The following VAV1 variants were observed in gnomAD, a reference collection of about 807,000 sequenced individuals.
The protein encoded by VAV1 is vav guanine nucleotide exchange factor 1, also known as proto-oncogene vav.
VAV1 carries 33 observed loss-of-function variants against 128.1 expected under a neutral mutation model. The ratio of observed to expected loss-of-function variants is 0.26; its 90% CI spans 0.20 to 0.34. The LOEUF (loss-of-function observed/expected upper bound fraction) is 0.34, where lower values mean the gene tolerates loss of function less well. VAV1 is among the 10% of genes least tolerant of loss of function. The pLI, the probability that VAV1 is intolerant of heterozygous loss-of-function variation, is 1.00. For synonymous variants in VAV1, 394 were observed against 409.8 expected (o/e 0.96, Z 0.47); for missense variants, 715 against 1,093.7 (o/e 0.65, Z 4.88).
In VAV1 at chr19:6,844,275, ATGGCGTGATCTCGGCTCAC is replaced by A. The variant is rs1380399960; in HGVS notation, c.2012+1112_2012+1130del. On this transcript the variant is annotated intron_variant, in intron 22 of 26. Transcript: ENST00000602142. ...TTCTTGTTGCCCAGGCTGGAGCGCA[ATGGCGTGATCTCGGCTCAC>A]TGCAACCTCCACCTCCCAGGTTCAA... Among the ~76,000 whole-genome samples the A allele has an allele frequency of 4.4e-4, 66 of 151,368 alleles. 1 individual carries two copies. The highest frequency in any genetic ancestry group is 8.8e-5 in the Non-Finnish European group (6 of 67,828).
At chr19:6,819,504 T>C (rs1291215555) in intron 1 of VAV1, among the ~76,000 whole-genome samples, 2 of 152,242 alleles carry the variant, frequency 1.3e-5, no homozygotes, top group Non-Finnish European at 2.9e-5. Context: ...TGAGCATGTT[T>C]TTAAGGTTCA....
intron 21 of VAV1, among the ~76,000 whole-genome samples, chr19:6,839,957 G>T (rs1195940018): frequency 6.6e-6 from 1 of 152,206 alleles, no homozygotes; most frequent in Non-Finnish European, 1.5e-5. Flanking sequence ...CTCTCAAAGT[G>T]CTGGGATTAC....
At chr19:6,781,771 C>A (rs890717737) in intron 1 of VAV1, among the ~76,000 whole-genome samples, 10 of 152,098 alleles carry the variant, frequency 6.6e-5, no homozygotes, top group Non-Finnish European at 1.2e-4. Flanking sequence ...AGATGCCCAG[C>A]TAATTTTTGT....
At chr19:6,836,360 C>G in intron 19 of VAV1, 72 bp from the exon 20 acceptor site, 1 of 1,546,242 alleles carries the variant, frequency 6.5e-7, no homozygotes, top group Non-Finnish European at 8.8e-7. Context: ...TTTAGCCATT[C>G]TCGTGGGTGG....
At chr19:6,776,443 T>TCCAC (rs747923618) in intron 1 of VAV1, among the ~76,000 whole-genome samples, 8,079 of 115,632 alleles carry the variant, frequency 0.07, 271 homozygotes, top group Non-Finnish European at 0.086. Context: ...CATCCATCCA[T>TCCAC]CCACCCACCC....
chr19:6,790,763 G>A (rs145581663), intron 1 of VAV1, among the ~76,000 whole-genome samples: 104 of 152,276 alleles, frequency 6.8e-4, no homozygotes, highest in Non-Finnish European at 1.2e-3. Context: ...TATTTATCCC[G>A]TTTTAATTAT....
chr19:6,775,323 A>G (rs1431903351), intron 1 of VAV1, among the ~76,000 whole-genome samples: 1 of 152,200 alleles, frequency 6.6e-6, no homozygotes, highest in Admixed American at 6.5e-5. Context: ...GGGAAAGTGG[A>G]TAGACTTAAG....
intron 1 of VAV1, among the ~76,000 whole-genome samples, chr19:6,816,800 CA>C (rs1404996039): frequency 4.0e-5 from 6 of 150,592 alleles, no homozygotes; most frequent in African/African-American, 1.5e-4. Context: ...CCATCTCTAG[CA>C]AAAAATACAA....
intron 15 of VAV1, among the ~76,000 whole-genome samples, chr19:6,832,749 CT>C (rs1661380565): frequency 6.6e-6 from 1 of 151,300 alleles, no homozygotes; most frequent in Admixed American, 6.6e-5. Flanking sequence ...TCTTCTTCCC[CT>C]CTTCCTCCTC....
At chr19:6,796,930 G>A (rs1971148591) in intron 1 of VAV1, among the ~76,000 whole-genome samples, 1 of 152,076 alleles carries the variant, frequency 6.6e-6, no homozygotes. Context: ...GTGTATAGTA[G>A]GTGCTCAATA....
In VAV1 at chr19:6,820,201, C is replaced by T. The variant is rs1375670477; in HGVS notation, c.205-501C>T. Among the ~76,000 whole-genome samples the T allele has an allele frequency of 6.6e-6, 1 of 152,076 alleles. No homozygotes were observed. The highest frequency in any genetic ancestry group is 2.4e-5 in the African/African-American group (1 of 41,414). On this transcript the variant is annotated intron_variant, in intron 1 of 26. Transcript: ENST00000602142. The surrounding 1 kb of genome is among the most constrained non-coding windows in gnomAD (Gnocchi z 4.4). ...GGGTGTTGCGACACATGACTGAAGT[C>T]CTAGCTACCTGGGAGGTGGAGGCAG...
chr19:6,823,881 T>G (rs1207641343), intron 6 of VAV1, among the ~76,000 whole-genome samples: 1 of 152,186 alleles, frequency 6.6e-6, no homozygotes, highest in Non-Finnish European at 1.5e-5. Context: ...TCATCATCAC[T>G]GTCTAATTTT....
chr19:6,772,717 T>C lies in VAV1; in HGVS notation c.-91T>C. On this transcript the variant is annotated 5_prime_UTR_variant, in exon 1 of 27. Coordinates refer to ENST00000602142, the MANE Select transcript of VAV1 (RefSeq NM_005428.4). This position sits in a 1 kb window ranked among gnomAD's most constrained non-coding sequence, Gnocchi z 4.8. ...AAGAAGAGGAAGTGGTAGCACTAGCTGTCGCTCCACAGGCGAGCAGGGCAG... is the reference window on the plus strand; with the variant it reads ...AAGAAGAGGAAGTGGTAGCACTAGCCGTCGCTCCACAGGCGAGCAGGGCAG... 1 of 1,378,446 alleles carries C rather than the reference T, an allele frequency of 7.3e-7. No individual in the cohort carries two copies. The highest frequency in any genetic ancestry group is 2.4e-5 in the East Asian group (1 of 41,678). 85.4% of individuals were successfully genotyped at this position (1,378,446 alleles called of 1,614,324 possible). A position where few individuals can be genotyped will look rare whatever the true frequency, so the allele number is the denominator to read the frequency against.
Position 6,828,604 on chromosome 19 carries a change from C to T in VAV1, c.1093-18C>T, listed in dbSNP as rs776886110. The T allele has an allele frequency of 2.9e-5, 47 of 1,613,508 alleles. No homozygotes were observed. Among genetic ancestry groups the T allele is most frequent in the Non-Finnish European group, 4.0e-5 (47 of 1,179,734 alleles). Reference sequence around the variant, plus strand: ...GTCGGCTGTTGGGGGGCCAGGTTCACCCCTGCCCCCTCCCCAGGACCTGGC... The same window carrying T: ...GTCGGCTGTTGGGGGGCCAGGTTCATCCCTGCCCCCTCCCCAGGACCTGGC... On this transcript the variant is annotated intron_variant, in intron 11 of 26. Coordinates refer to ENST00000602142, the MANE Select transcript of VAV1 (RefSeq NM_005428.4). The surrounding 1 kb of genome is among the most constrained non-coding windows in gnomAD (Gnocchi z 4.5).
At chr19:6,792,014 G>C (rs1468981286) in intron 1 of VAV1, among the ~76,000 whole-genome samples, 2 of 152,026 alleles carry the variant, frequency 1.3e-5, no homozygotes, top group African/African-American at 2.4e-5. Context: ...GAACTTAAGG[G>C]GGGGATGGGA....
At chr19:6,838,240 C>G (rs1457264243) in intron 21 of VAV1, among the ~76,000 whole-genome samples, 1 of 151,296 alleles carries the variant, frequency 6.6e-6, no homozygotes, top group Non-Finnish European at 1.5e-5. Context: ...TCATCATCAT[C>G]ATCAATCTTT....
chr19:6,833,412 T>C, intron 16 of VAV1, 116 bp from the exon 17 acceptor site: 2 of 1,368,690 alleles, frequency 1.5e-6, no homozygotes, highest in East Asian at 4.6e-5. Context: ...CTTCTGCTTC[T>C]CCGTCACTCT....
In VAV1 at chr19:6,820,626, A is replaced by G. The variant is rs901456516; in HGVS notation, c.205-76A>G. 8 of 1,183,132 alleles carry G rather than the reference A, an allele frequency of 6.8e-6. No individual in the cohort carries two copies. The East Asian group carries it at 1.9e-4, about 28-fold the overall frequency. The allele number at this position is 1,183,132 out of a possible 1,614,324, so 73.3% of individuals were successfully genotyped here. On this transcript the variant is annotated intron_variant, in intron 1 of 26. Transcript: ENST00000602142. The surrounding 1 kb of genome is among the most constrained non-coding windows in gnomAD (Gnocchi z 4.4). Reference sequence around the variant, plus strand: ...CATTTCCCCTCCACACCAGTCCCCAAGCTAGGTGGCCTGGGGGTCAGTTTC... The same window carrying G: ...CATTTCCCCTCCACACCAGTCCCCAGGCTAGGTGGCCTGGGGGTCAGTTTC...
rs913677761 is a variant in VAV1 at position 6,826,230 on chromosome 19, C to T, written c.828-382C>T. Among the ~76,000 whole-genome samples the T allele has an allele frequency of 1.3e-5, 2 of 149,676 alleles. No individual in the cohort carries two copies. The highest frequency in any genetic ancestry group is 3.0e-5 in the Non-Finnish European group (2 of 67,660). On this transcript the variant is annotated intron_variant, in intron 8 of 26. Transcript: ENST00000602142. The surrounding 1 kb of genome is among the most constrained non-coding windows in gnomAD (Gnocchi z 4.1). ...GCAGGTGTCTGTAATCCCAGCTACTCGGGGGGCTGAAGCAGGAGAATCGCT... is the reference window on the plus strand; with the variant it reads ...GCAGGTGTCTGTAATCCCAGCTACTTGGGGGGCTGAAGCAGGAGAATCGCT...
Sources: gnomAD v4.1 joint callset for allele counts (sites outside exome capture counted in the v4.1 genomes callset) on GRCh38, gnomAD v4.1.1 for gene constraint, Gnocchi (gnomAD v3.1) non-coding constraint, MANE v1.5 for transcripts, NCBI Gene and HGNC (gene_info 2026-07-23, HGNC 2026-07-21) for gene names.